BIRC6: variants seen among roughly 807,000 people sequenced by gnomAD.
BIRC6 encodes the protein baculoviral IAP repeat containing 6.
BIRC6 carries 98 observed loss-of-function variants against 503.3 expected under a neutral mutation model. The ratio of observed to expected loss-of-function variants is 0.19; its 90% confidence interval spans 0.17 to 0.23. The LOEUF is 0.23. BIRC6 is among the 10% of genes least tolerant of loss of function. BIRC6 has a pLI of 1.00. For synonymous variants in BIRC6, 2,240 were observed against 2,078.7 expected (o/e 1.08, Z -2.11); for missense variants, 5,360 against 5,806.0 (o/e 0.92, Z 2.50).
intron 65 of BIRC6, among the ~76,000 whole-genome samples, chr2:32,556,914 A>C (rs550212054): frequency 5.3e-5 from 8 of 149,750 alleles, no homozygotes; most frequent in African/African-American, 2.0e-4. Flanking sequence ...ATTCCAACCT[A>C]AGTGACAGAG....
chr2:32,607,975 C>CA (rs35242178), intron 72 of BIRC6, among the ~76,000 whole-genome samples: 12,762 of 52,138 alleles, frequency 0.24, 1,472 homozygotes, highest in East Asian at 0.49. Context: ...ACTCCATCTC[C>CA]AAAAAAAAAA....
At chr2:32,466,088 CT>C (rs535922047) in intron 26 of BIRC6, among the ~76,000 whole-genome samples, 4 of 150,632 alleles carry the variant, frequency 2.7e-5, no homozygotes, top group Non-Finnish European at 3.0e-5. Flanking sequence ...TATGTTCTTT[CT>C]TTTTTTTTAA....
intron 19 of BIRC6, among the ~76,000 whole-genome samples, chr2:32,442,738 C>G (rs1450336397): frequency 6.6e-6 from 1 of 152,150 alleles, no homozygotes; most frequent in East Asian, 1.9e-4. Flanking sequence ...CTCTTAAACC[C>G]TTTTCACTCC....
At chr2:32,379,446 C>T (rs951740010) in intron 2 of BIRC6, 1 of 152,168 alleles carries the variant, frequency 6.6e-6, no homozygotes, top group Non-Finnish European at 1.5e-5. Flanking sequence ...GTTTTTCCTA[C>T]TACAGTGAAA....
intron 40 of BIRC6, among the ~76,000 whole-genome samples, chr2:32,486,750 G>A (rs886859486): frequency 2.0e-5 from 3 of 151,976 alleles, no homozygotes; most frequent in African/African-American, 7.3e-5. Flanking sequence ...ATCTTCATTT[G>A]TTTCTTGCTT....
rs566749590 is a variant in BIRC6 at position 32,560,700 on chromosome 2, G to A, written c.13144+11219G>A. ...GGCTCAAACATCCTCCTGATTAGCT[G>A]GGACTACAGGCACCTGCCACCATGC... On this transcript the variant is annotated intron_variant, in intron 65 of 73. Coordinates refer to ENST00000421745, the MANE Select transcript of BIRC6 (RefSeq NM_016252.4). 2.0e-4 allele frequency among the ~76,000 whole-genome samples: 30 copies of A among 152,082 alleles called. 1 individual carries two copies. The South Asian group carries it at 6.0e-3, about 30-fold the overall frequency.
At chr2:32,393,276 G>A (rs1055152446) in intron 5 of BIRC6, among the ~76,000 whole-genome samples, 1 of 152,040 alleles carries the variant, frequency 6.6e-6, no homozygotes, top group African/African-American at 2.4e-5. Flanking sequence ...GAAAAGAGGA[G>A]AGTATAAAGT....
At chr2:32,583,782 G>A (rs959450974) in intron 66 of BIRC6, among the ~76,000 whole-genome samples, 3 of 152,100 alleles carry the variant, frequency 2.0e-5, no homozygotes, top group African/African-American at 7.2e-5. Flanking sequence ...CCAGGCTGGA[G>A]TGCAGTGACA....
intron 57 of BIRC6, among the ~76,000 whole-genome samples, chr2:32,524,205 A>G (rs2056047010): frequency 6.6e-6 from 1 of 152,228 alleles, no homozygotes; most frequent in Admixed American, 6.5e-5. Context: ...TGTATGCCAC[A>G]GTAATGAAAG....
At chr2:32,455,980 T>C (rs2047217106) in intron 23 of BIRC6, among the ~76,000 whole-genome samples, 2 of 151,636 alleles carry the variant, frequency 1.3e-5, no homozygotes, top group Non-Finnish European at 2.9e-5. Context: ...ATGTTAATAT[T>C]AATATAATAT....
At chr2:32,411,892 C>T (rs962505471) in intron 9 of BIRC6, among the ~76,000 whole-genome samples, 15 of 152,120 alleles carry the variant, frequency 9.9e-5, no homozygotes, top group African/African-American at 3.4e-4. Flanking sequence ...AGTTTAGCGT[C>T]AAGAGATTAT....
chr2:32,430,849 TCTCA>T lies in BIRC6; in HGVS notation c.3023-13_3023-10del, dbSNP rs764639029. On this transcript the variant is annotated splice_polypyrimidine_tract_variant and intron_variant, in intron 11 of 73. Coordinates refer to ENST00000421745, the MANE Select transcript of BIRC6 (RefSeq NM_016252.4). ...TTTCCACACCTATTTCAAATACTGC[TCTCA>T]CTAATGTTAAGGAGTTGATTTATTG... 4 of 896,642 alleles carry T rather than the reference TCTCA, an allele frequency of 4.5e-6. No individual in the cohort carries two copies. In the Admixed American group the frequency reaches 7.1e-5, roughly 16 times the overall value. 55.5% of individuals were successfully genotyped at this position (896,642 alleles called of 1,614,324 possible). A position where few individuals can be genotyped will look rare whatever the true frequency, so the allele number is the denominator to read the frequency against.
At chr2:32,560,946 TCCC>T (rs2059131859) in intron 65 of BIRC6, among the ~76,000 whole-genome samples, 1 of 151,902 alleles carries the variant, frequency 6.6e-6, no homozygotes, top group Non-Finnish European at 1.5e-5. Flanking sequence ...ACACCTGTAA[TCCC>T]AGCACTTTGG....
chr2:32,476,307 T>A lies in BIRC6; in HGVS notation c.6815T>A (p.Leu2272Gln). 4 of 1,575,214 alleles carry A rather than the reference T, an allele frequency of 2.5e-6. No homozygotes were observed. Among genetic ancestry groups the A allele is most frequent in the Non-Finnish European group, 3.5e-6 (4 of 1,158,816 alleles). ...QSNKGSSYKL[L>Q]VEQAKLKQAT... The stretch of plus-strand genomic sequence containing the variant: ...AACAAAGGATCATCATATAAACTCC[T>A]GGTAGAACAAGCAAAACTAAAGCAG... Residue 2272 changes from leucine to glutamine, a missense_variant, in exon 34 of 74, where the codon CTG becomes CAG. Physicochemically the swap from Leu to Gln is moderately radical, Grantham distance 113 (BLOSUM62 -2). Around this residue, in one of 16 missense-constraint regions of BIRC6, gnomAD observed 2,299 missense variants for 2,267.2 expected, o/e 1.01. Transcript: ENST00000421745.
intron 9 of BIRC6, among the ~76,000 whole-genome samples, chr2:32,411,553 G>T: frequency 6.7e-6 from 1 of 149,792 alleles, no homozygotes; most frequent in East Asian, 2.0e-4. Flanking sequence ...TCTCAGCTCA[G>T]TGCAACCTCT....
chr2:32,396,160 C>T (rs190873598), intron 6 of BIRC6, among the ~76,000 whole-genome samples: 2 of 152,120 alleles, frequency 1.3e-5, no homozygotes, highest in African/African-American at 4.8e-5. Context: ...ATTCTGAATA[C>T]TTTATGTATT....
chr2:32,594,086 C>G lies in BIRC6; in HGVS notation c.13501+26C>G, dbSNP rs757299969. 31 of 1,592,086 alleles carry G rather than the reference C, an allele frequency of 1.9e-5. No individual in the cohort carries two copies. The East Asian group carries it at 6.3e-4, about 32-fold the overall frequency. On this transcript the variant is annotated intron_variant, in intron 67 of 73. Transcript: ENST00000421745. ...GTACAAAACTTTTCCTATTATGCCA[C>G]TTTTCATTTGATGTAAAGATGTTTC...
chr2:32,536,252 A>G (rs532597387), intron 61 of BIRC6, among the ~76,000 whole-genome samples: 1 of 152,006 alleles, frequency 6.6e-6, no homozygotes, highest in African/African-American at 2.4e-5. Flanking sequence ...CCTATTCTGT[A>G]TGTTGCCTGT....
At chr2:32,532,580 A>G (rs1464960041) in intron 61 of BIRC6, among the ~76,000 whole-genome samples, 1 of 152,156 alleles carries the variant, frequency 6.6e-6, no homozygotes, top group Non-Finnish European at 1.5e-5. Context: ...CCCATTTCCA[A>G]ATAAGGTCAT....
Sources: allele counts gnomAD v4.1 joint callset (sites outside exome capture counted in the v4.1 genomes callset), GRCh38; gene constraint gnomAD v4.1.1; regional missense constraint gnomAD v4.1.1; transcripts MANE v1.5; gene names NCBI Gene and HGNC (gene_info 2026-07-23, HGNC 2026-07-21).